Variants in S100PBP observed in about 807,000 individuals in gnomAD.
S100PBP encodes the protein S100P binding protein.
In S100PBP, 15 loss-of-function variants were observed where a neutral mutation model predicts 39.9. The ratio of observed to expected loss-of-function variants is 0.38; its 90% CI spans 0.25 to 0.58. The LOEUF is 0.58. Among genes scored for constraint, S100PBP ranks in the 20% least tolerant of loss-of-function variants. The pLI is 0.70. For missense variants in S100PBP, 504 were observed against 487.3 expected (o/e 1.03, Z -0.32); for synonymous variants, 178 against 180.3 (o/e 0.99, Z 0.10).
chr1:32,845,313 C>T (rs1427823998), intron 5 of S100PBP, among the ~76,000 whole-genome samples: 2 of 152,042 alleles, frequency 1.3e-5, no homozygotes, highest in African/African-American at 2.4e-5. Context: ...TGTGGTGGCA[C>T]ATACTTGTAG....
At chr1:32,817,160 C>G, upstream of S100PBP, 3 of 1,613,844 alleles carry the variant, frequency 1.9e-6, no homozygotes, top group South Asian at 2.2e-5. Flanking sequence ...TAATCCCCAA[C>G]GGCGCATTTC....
upstream of S100PBP, chr1:32,816,748 C>T (rs905766447): frequency 5.5e-6 from 1 of 180,264 alleles, no homozygotes; most frequent in Non-Finnish European, 1.2e-5. Flanking sequence ...AGGTCACTTC[C>T]TCAGGGAAGC....
intron 5 of S100PBP, among the ~76,000 whole-genome samples, chr1:32,841,670 T>C (rs1026469694): frequency 6.9e-6 from 1 of 144,828 alleles, no homozygotes; most frequent in African/African-American, 2.6e-5. Context: ...TAAAGATTGC[T>C]GTGGGCCGAG....
chr1:32,828,606 A>G, intron 4 of S100PBP, among the ~76,000 whole-genome samples: 1 of 152,174 alleles, frequency 6.6e-6, no homozygotes, highest in East Asian at 1.9e-4. Flanking sequence ...TGAATCTACT[A>G]GAAAAAGCTT....
chr1:32,853,943 G>C (rs536396855), intron 6 of S100PBP, among the ~76,000 whole-genome samples: 1 of 152,028 alleles, frequency 6.6e-6, no homozygotes, highest in Admixed American at 6.5e-5. Context: ...GGAAACCTGA[G>C]TTCTAATACT....
intron 5 of S100PBP, among the ~76,000 whole-genome samples, chr1:32,837,948 A>G (rs1228061966): frequency 6.6e-6 from 1 of 152,186 alleles, no homozygotes; most frequent in African/African-American, 2.4e-5. Context: ...TGTTAGGAAC[A>G]TTCATGCACA....
rs113640987 is a variant in S100PBP, at chr1:32,827,634, A to G, written c.832-359A>G. ...GTAGCTGGGATTACAAACATGCACC[A>G]CCATGCCCAGCTAATTTTTGTATTT... On this transcript the variant is annotated intron_variant, in intron 3 of 6. Coordinates refer to ENST00000373475, the MANE Select transcript of S100PBP (RefSeq NM_022753.4). Among the ~76,000 whole-genome samples, 761 of 152,064 alleles carry G rather than the reference A, an allele frequency of 5.0e-3. 8 individuals carry two copies. The highest frequency in any genetic ancestry group is 0.017 in the African/African-American group (718 of 41,468).
intron 5 of S100PBP, among the ~76,000 whole-genome samples, chr1:32,851,943 T>G (rs1287398896): frequency 6.6e-6 from 1 of 152,224 alleles, no homozygotes; most frequent in Non-Finnish European, 1.5e-5. Context: ...AGTTTTAGCC[T>G]AAGTCTCAAT....
Position 32,856,790 on chromosome 1 carries a change from A to G in S100PBP, c.*752A>G, listed in dbSNP as rs1019317130. ...AGACTTATAATACCTTGTGGTCTTG[A>G]GACTGGTTGTCTCCTTTGCCTTTCT... is the stretch of plus-strand genomic sequence containing the variant. On this transcript the variant is annotated 3_prime_UTR_variant, in exon 7 of 7. Transcript: ENST00000373475. 1 of 152,274 alleles carries G rather than the reference A, an allele frequency of 6.6e-6. No individual in the cohort carries two copies. Among genetic ancestry groups the G allele is most frequent in the Non-Finnish European group, 1.5e-5 (1 of 68,034 alleles). 9.4% of individuals were successfully genotyped at this position (152,274 alleles called of 1,614,324 possible).
Position 32,826,621 on chromosome 1 carries a change from C to A in S100PBP, c.522C>A (p.Leu174=), listed in dbSNP as rs139800145. The change falls in exon 3 of 7, where the codon CTC becomes CTA. Residue 174 remains leucine, a synonymous_variant. Coordinates refer to ENST00000373475, the MANE Select transcript of S100PBP (RefSeq NM_022753.4). ...ATTCGTCCAAAGATACTGAAAAACT[C>A]TCTTCCCTTGGAGAAGAGATGAGAG... The part of the protein sequence containing the change: ...ETDSSKDTEK[L]SSLGEEMRED... 2.0e-5 allele frequency: 33 copies of A among 1,614,006 alleles called. No homozygotes were observed. Among genetic ancestry groups the A allele is most frequent in the Non-Finnish European group, 2.7e-5 (32 of 1,180,046 alleles).
Position 32,826,707 on chromosome 1 carries a change from A to G in S100PBP, c.608A>G (p.Asn203Ser), listed in dbSNP as rs756657666. ...LCTESEGISP[N>S]NSAWNGPQLS... The stretch of plus-strand genomic sequence containing the variant: ...ACTGAATCTGAAGGGATCAGCCCCA[A>G]TAACTCTGCCTGGAATGGGCCCCAG... The change falls in exon 3 of 7, where the codon AAT (asparagine) becomes AGT (serine). Residue 203 changes from asparagine to serine, a missense_variant. By Grantham distance (46) the Asn-to-Ser change is conservative. Transcript: ENST00000373475. 1.1e-5 allele frequency: 18 copies of G among 1,614,044 alleles called. No homozygotes were observed. Among genetic ancestry groups the G allele is most frequent in the Middle Eastern group, 1.6e-4 (1 of 6,082 alleles).
At chr1:32,835,756 T>G (rs750566925) in intron 5 of S100PBP, 3 of 152,142 alleles carry the variant, frequency 2.0e-5, no homozygotes, top group Non-Finnish European at 4.4e-5. Context: ...ATATTTTTAT[T>G]TTTATTTTTT....
chr1:32,852,412 A>G (rs1034458590), intron 5 of S100PBP, among the ~76,000 whole-genome samples: 1 of 152,122 alleles, frequency 6.6e-6, no homozygotes, highest in African/African-American at 2.4e-5. Context: ...TTTTTTTAGA[A>G]TTAAGTAAGA....
At chr1:32,842,047 G>A (rs1410498020) in intron 5 of S100PBP, among the ~76,000 whole-genome samples, 1 of 150,984 alleles carries the variant, frequency 6.6e-6, no homozygotes, top group Non-Finnish European at 1.5e-5. Flanking sequence ...AGGTTAGCCG[G>A]GCATGGTGAC....
upstream of S100PBP, chr1:32,817,597 G>GGGGTAGGGGAGGTC (rs940487910): frequency 5.4e-5 from 23 of 423,372 alleles, no homozygotes; most frequent in Admixed American, 8.0e-4. Context: ...CGGCTGACTC[G>GGGGTAGGGGAGGTC]GGGTAGGGGA....
At chr1:32,830,322 G>GC (rs1445832655) in intron 5 of S100PBP, among the ~76,000 whole-genome samples, 2 of 151,876 alleles carry the variant, frequency 1.3e-5, no homozygotes, top group Non-Finnish European at 2.9e-5. Context: ...ATGGTTGAGG[G>GC]CTTTAACCCA....
At chr1:32,827,091 TG>T (rs1370909850) in intron 3 of S100PBP, among the ~76,000 whole-genome samples, 161 bp downstream of exon 3, 5 of 152,256 alleles carry the variant, frequency 3.3e-5, no homozygotes, top group Non-Finnish European at 7.3e-5. Flanking sequence ...GGCAGAGCTT[TG>T]TATTCAGACA....
chr1:32,823,890 A>T (rs879320041), intron 1 of S100PBP, among the ~76,000 whole-genome samples: 4 of 152,220 alleles, frequency 2.6e-5, no homozygotes, highest in Admixed American at 2.0e-4. Context: ...AGCTCAAAAA[A>T]TATCTTCTAA....
upstream of S100PBP, chr1:32,816,920 G>A (rs916969006): frequency 1.0e-5 from 6 of 590,546 alleles, no homozygotes; most frequent in African/African-American, 1.9e-5. Context: ...ACTTAATAGG[G>A]GGGTGGAATG....
Sources: allele counts gnomAD v4.1 joint callset (sites outside exome capture counted in the v4.1 genomes callset), GRCh38; gene constraint gnomAD v4.1.1; transcripts MANE v1.5; gene names NCBI Gene and HGNC (gene_info 2026-07-23, HGNC 2026-07-21).